DMXL2: variants seen among roughly 807,000 people sequenced by gnomAD.
The protein encoded by DMXL2 is Dmx like 2, also known as dmX-like protein 2.
Under a neutral mutation model 331.1 loss-of-function variants are expected in DMXL2, and 103 were observed. The ratio of observed to expected loss-of-function variants is 0.31; its 90% CI spans 0.27 to 0.37. The LOEUF (loss-of-function observed/expected upper bound fraction) is 0.37. DMXL2 is among the 10% of genes least tolerant of loss of function. The probability of loss-of-function intolerance (pLI) is 1.00; values close to 1 mark genes in which losing one functional copy is unlikely to be tolerated. For synonymous variants in DMXL2, 1,281 were observed against 1,252.1 expected, an observed-to-expected ratio of 1.02 and a Z score of -0.49; for missense variants, 3,171 against 3,642.9, an observed-to-expected ratio of 0.87 and a Z score of 3.33.
chr15:51,488,870 A>T (rs2042592161), intron 20 of DMXL2, among the ~76,000 whole-genome samples: 1 of 152,206 alleles, frequency 6.6e-6, no homozygotes, highest in Admixed American at 6.5e-5. Flanking sequence ...TACAGCCAGC[A>T]CTTATTGACT....
intron 1 of DMXL2, among the ~76,000 whole-genome samples, chr15:51,588,886 C>T (rs939227404): frequency 2.6e-5 from 4 of 152,176 alleles, no homozygotes; most frequent in Non-Finnish European, 5.9e-5. Context: ...TCATTTGAGA[C>T]CCCTTTTTTA....
chr15:51,565,671 T>C (rs1421212061), intron 3 of DMXL2, among the ~76,000 whole-genome samples: 3 of 152,338 alleles, frequency 2.0e-5, no homozygotes, highest in African/African-American at 7.2e-5. Context: ...TGTCATAATT[T>C]TGTTATCTTC....
intron 23 of DMXL2, among the ~76,000 whole-genome samples, 159 bp downstream of exon 23, chr15:51,485,914 T>C (rs1468065300): frequency 6.6e-6 from 1 of 152,190 alleles, no homozygotes; most frequent in Non-Finnish European, 1.5e-5. Flanking sequence ...AGGATGGTAA[T>C]CCTATCTAAT....
At chr15:51,462,604 T>TG (rs1275959699) in intron 33 of DMXL2, among the ~76,000 whole-genome samples, 4 of 152,214 alleles carry the variant, frequency 2.6e-5, no homozygotes, top group Non-Finnish European at 5.9e-5. Context: ...CCCAAAGTGC[T>TG]GGGATTACAG....
At chr15:51,618,739 A>G (rs2054445602) in intron 1 of DMXL2, among the ~76,000 whole-genome samples, 1 of 152,204 alleles carries the variant, frequency 6.6e-6, no homozygotes, top group Non-Finnish European at 1.5e-5. Context: ...GTATTATGCC[A>G]TTCCTTTGCT....
At chr15:51,622,328 G>A (rs2054702971) in intron 1 of DMXL2, 131 bp downstream of exon 1, 3 of 1,240,546 alleles carry the variant, frequency 2.4e-6, no homozygotes, top group Non-Finnish European at 3.3e-6. Flanking sequence ...CCCCAAGGCT[G>A]CAAAGGGGCC....
chr15:51,602,058 A>G (rs1343657237), intron 1 of DMXL2, among the ~76,000 whole-genome samples: 1 of 152,196 alleles, frequency 6.6e-6, no homozygotes, highest in East Asian at 1.9e-4. Flanking sequence ...ATGCAGCCAT[A>G]AAACATAAAC....
chr15:51,493,183 CTCTG>C (rs1327031899), intron 19 of DMXL2, among the ~76,000 whole-genome samples: 8 of 152,208 alleles, frequency 5.3e-5, no homozygotes, highest in African/African-American at 1.9e-4. Context: ...CTATTTAAAT[CTCTG>C]TCTGCTGTGA....
rs545890824 is a variant in DMXL2 at position 51,512,811 on chromosome 15, T to C, written c.2644+1631A>G. Reference sequence around the variant, plus strand: ...AGCCTGGGCAGCAAAGCAAACTCTGTCTCGGAAAAAAAAAAAAAAAATTCG... The same window carrying C: ...AGCCTGGGCAGCAAAGCAAACTCTGCCTCGGAAAAAAAAAAAAAAAATTCG... On this transcript the variant is annotated intron_variant, in intron 15 of 43. Transcript: ENST00000560891. Among the ~76,000 whole-genome samples, 87 of 139,986 alleles carry C rather than the reference T, an allele frequency of 6.2e-4. 1 individual carries two copies. The highest frequency in any genetic ancestry group is 2.4e-3 in the African/African-American group (85 of 34,742). The allele number at this position is 139,986 out of a possible 152,430, so 91.8% of individuals were successfully genotyped here. A position where few individuals can be genotyped will look rare whatever the true frequency, so the allele number is the denominator to read the frequency against.
chr15:51,467,679 A>G (rs2040708355), intron 29 of DMXL2, among the ~76,000 whole-genome samples: 1 of 152,156 alleles, frequency 6.6e-6, no homozygotes, highest in African/African-American at 2.4e-5. Context: ...ATAATCTGGC[A>G]ATATGTATTA....
At chr15:51,510,075 T>G (rs1011333707) in intron 15 of DMXL2, among the ~76,000 whole-genome samples, 1 of 151,974 alleles carries the variant, frequency 6.6e-6, no homozygotes, top group South Asian at 2.1e-4. Context: ...TAAGAGCTAT[T>G]TATGACAAAC....
intron 6 of DMXL2, among the ~76,000 whole-genome samples, chr15:51,562,137 A>G (rs983805569): frequency 6.6e-6 from 1 of 152,222 alleles, no homozygotes; most frequent in Non-Finnish European, 1.5e-5. Flanking sequence ...CAACACAAAA[A>G]GAGATAAACA....
intron 42 of DMXL2, 99 bp downstream of exon 42, chr15:51,451,546 A>G (rs2039139160): frequency 1.1e-6 from 1 of 937,834 alleles, no homozygotes; most frequent in Non-Finnish European, 1.6e-6. Flanking sequence ...CCTGTCAATA[A>G]ACACTCACTG....
chr15:51,465,175 C>T (rs906279400), intron 31 of DMXL2, among the ~76,000 whole-genome samples: 1 of 152,088 alleles, frequency 6.6e-6, no homozygotes, highest in African/African-American at 2.4e-5. Flanking sequence ...GCAGGTGGAT[C>T]GTTTGAGCCC....
At chr15:51,450,510 G>A in intron 42 of DMXL2, 164 bp from the exon 43 acceptor site, 1 of 696,906 alleles carries the variant, frequency 1.4e-6, no homozygotes, top group Non-Finnish European at 2.4e-6. Context: ...CATGATTAAA[G>A]AAAAATGTTA....
In DMXL2 at chr15:51,458,690, T is replaced by G. The variant is rs189716507; in HGVS notation, c.8076+19A>C. On this transcript the variant is annotated intron_variant, in intron 35 of 43. Coordinates refer to ENST00000560891, the MANE Select transcript of DMXL2 (RefSeq NM_001378457.1). Reference sequence around the variant, plus strand: ...TCACTAAGGAGAAATACACTGTGTATAATGATGAGAGCTTTTACCTTATTA... The same window carrying G: ...TCACTAAGGAGAAATACACTGTGTAGAATGATGAGAGCTTTTACCTTATTA... 2 of 1,613,892 alleles carry G rather than the reference T, an allele frequency of 1.2e-6. No homozygotes were observed. Among genetic ancestry groups the G allele is most frequent in the South Asian group, 1.1e-5 (1 of 91,068 alleles).
intron 8 of DMXL2, among the ~76,000 whole-genome samples, chr15:51,544,462 C>A (rs2048782899): frequency 6.6e-6 from 1 of 152,110 alleles, no homozygotes; most frequent in African/African-American, 2.4e-5. Flanking sequence ...GGACCATGAG[C>A]CAATTAAACC....
intron 16 of DMXL2, among the ~76,000 whole-genome samples, chr15:51,504,881 A>AT (rs1168230010): frequency 6.6e-6 from 1 of 152,156 alleles, no homozygotes; most frequent in Non-Finnish European, 1.5e-5. Context: ...AAATCATACT[A>AT]TTTTCTAACA....
chr15:51,540,201 T>C (rs1352969954), intron 9 of DMXL2, among the ~76,000 whole-genome samples: 1 of 152,232 alleles, frequency 6.6e-6, no homozygotes, highest in East Asian at 1.9e-4. Context: ...TAACAGATTT[T>C]TTTTTGACAA....
Sources: gnomAD v4.1 joint callset for allele counts (sites outside exome capture counted in the v4.1 genomes callset) on GRCh38, gnomAD v4.1.1 for gene constraint, MANE v1.5 for transcripts, NCBI Gene and HGNC (gene_info 2026-07-23, HGNC 2026-07-21) for gene names.